FRMPD2: variants seen among roughly 807,000 people sequenced by gnomAD.
FRMPD2 encodes FERM and PDZ domain-containing protein 2.
Under a neutral mutation model 140.1 loss-of-function variants are expected in FRMPD2, and 96 were observed. The observed-to-expected ratio is 0.69, with a 90% CI of 0.58 to 0.81. The LOEUF is 0.81. Among genes scored for constraint, FRMPD2 ranks in the 40% least tolerant of loss-of-function variants. FRMPD2 has a pLI of 0.00. For synonymous variants in FRMPD2, 449 were observed against 547.6 expected (o/e 0.82, Z 2.52); for missense variants, 1,240 against 1,447.4 (o/e 0.86, Z 2.32).
At chr10:48,261,531 A>C (rs1840590557) in intron 1 of FRMPD2, among the ~76,000 whole-genome samples, 1 of 152,158 alleles carries the variant, frequency 6.6e-6, no homozygotes, top group South Asian at 2.1e-4. Context: ...AAAAACTACC[A>C]ATCTAGAACT....
At chr10:48,178,689 A>G (rs1380416874) in intron 21 of FRMPD2, 1 of 155,198 alleles carries the variant, frequency 6.4e-6, no homozygotes, top group Non-Finnish European at 1.4e-5. Flanking sequence ...ACCATGGTCA[A>G]CGTGGCCTTA....
In FRMPD2 at chr10:48,251,555, C is replaced by T. The variant is rs1180119121; in HGVS notation, c.151+11G>A. 6.2e-7 allele frequency: 1 copy of T among 1,612,452 alleles called. No individual in the cohort carries two copies. The highest frequency in any genetic ancestry group is 1.7e-5 in the Admixed American group (1 of 59,998). On this transcript the variant is annotated intron_variant, in intron 2 of 28. Coordinates refer to ENST00000374201, the MANE Select transcript of FRMPD2 (RefSeq NM_001018071.4). ...TCCCTGTGATTTGACTGCCCCCAAA[C>T]ACTCTCTTACCGTTGCGGAGGTCTT...
intron 10 of FRMPD2, among the ~76,000 whole-genome samples, chr10:48,228,931 T>G: frequency 6.6e-6 from 1 of 152,052 alleles, no homozygotes; most frequent in East Asian, 1.9e-4. Context: ...AAAAGGTTTA[T>G]GGAAGATGAA....
intron 14 of FRMPD2, among the ~76,000 whole-genome samples, chr10:48,204,144 A>G (rs1359371029): frequency 6.6e-6 from 1 of 152,232 alleles, no homozygotes; most frequent in Non-Finnish European, 1.5e-5. Context: ...CATGAGCTGT[A>G]CAGAGCCAGT....
chr10:48,191,989 C>T (rs1229673568), intron 16 of FRMPD2, among the ~76,000 whole-genome samples: 36 of 152,194 alleles, frequency 2.4e-4, no homozygotes, highest in Admixed American at 2.4e-3. Context: ...AACGGAAACA[C>T]TTAACAGAGT....
At chr10:48,200,151 T>TATAAATAAATAA (rs201958134) in intron 15 of FRMPD2, among the ~76,000 whole-genome samples, 23 of 135,518 alleles carry the variant, frequency 1.7e-4, no homozygotes, top group South Asian at 4.7e-4. Flanking sequence ...AGCTAAAAAA[T>TATAAATAAATAA]ATAAATAAAT....
chr10:48,230,306 A>G (rs1267356225), intron 10 of FRMPD2, among the ~76,000 whole-genome samples: 1 of 152,240 alleles, frequency 6.6e-6, no homozygotes, highest in Admixed American at 6.5e-5. Flanking sequence ...TCAATAAAAT[A>G]TGCTCTCTTT....
At chr10:48,254,190 T>C (rs1033816484) in intron 1 of FRMPD2, among the ~76,000 whole-genome samples, 1 of 152,222 alleles carries the variant, frequency 6.6e-6, no homozygotes, top group Non-Finnish European at 1.5e-5. Flanking sequence ...CGGTGGAATG[T>C]TATGATCTGT....
chr10:48,266,375 T>A (rs1840678111), intron 1 of FRMPD2, among the ~76,000 whole-genome samples: 2 of 151,954 alleles, frequency 1.3e-5, no homozygotes, highest in African/African-American at 4.8e-5. Context: ...AAATAAAAGT[T>A]TAAAAAGTAA....
Position 48,179,768 on chromosome 10 carries a change from T to G in FRMPD2, c.2790+1035A>C, listed in dbSNP as rs1217122931. 5.9e-5 allele frequency among the ~76,000 whole-genome samples: 9 copies of G among 152,166 alleles called. No homozygotes were observed. In the East Asian group the frequency reaches 1.7e-3, roughly 29 times the overall value. On this transcript the variant is annotated intron_variant, in intron 21 of 28. Coordinates refer to ENST00000374201, the MANE Select transcript of FRMPD2 (RefSeq NM_001018071.4). ...TGGACAGACATCATTATCTCCATCA[T>G]AAAAAGAGAAACGAGGTTGAAAGAG...
rs1389735026 is a variant in FRMPD2 at position 48,274,392 on chromosome 10, C to A, written c.25+151G>T. On this transcript the variant is annotated intron_variant, in intron 1 of 28. Transcript: ENST00000374201. Reference sequence around the variant, plus strand: ...ATCAGGCTTAGCCAATGGCCTGGAACAAATAATACTCCAAATAATACCACA... The same window carrying A: ...ATCAGGCTTAGCCAATGGCCTGGAAAAAATAATACTCCAAATAATACCACA... The A allele has an allele frequency of 8.4e-6, 6 of 710,080 alleles. No individual in the cohort carries two copies. The East Asian group carries it at 1.5e-4, about 18-fold the overall frequency. 44.0% of individuals were successfully genotyped at this position (710,080 alleles called of 1,614,324 possible).
Position 48,187,196 on chromosome 10 carries a change from A to C in FRMPD2, c.2262T>G (p.His754Gln). The C allele has an allele frequency of 6.2e-7, 1 of 1,613,082 alleles. No individual in the cohort carries two copies. The part of the protein sequence containing the change: ...SLSGPPVQSM[H>Q]AGSKNNRRKS... ...TGGTCGTGGCCTGGCCCATACCTGC[A>C]TGCATGCTCTGAACAGGTGGTCCAG... The change falls in exon 17 of 29, where the codon CAT (histidine) becomes CAG (glutamine). Residue 754 changes from histidine to glutamine, a missense_variant. This residue lies in a region of FRMPD2 where 1,161 missense variants were observed against 1,055.9 expected (regional missense o/e 1.10). Transcript: ENST00000374201.
chr10:48,173,688 A>G (rs1346036172), intron 24 of FRMPD2, among the ~76,000 whole-genome samples: 5 of 152,088 alleles, frequency 3.3e-5, no homozygotes, highest in African/African-American at 1.2e-4. Flanking sequence ...AATGCTTCCC[A>G]TCACCTAAGA....
Position 48,248,791 on chromosome 10 carries a change from C to T in FRMPD2, c.309+230G>A, listed in dbSNP as rs1463786083. 4.7e-5 allele frequency: 18 copies of T among 381,298 alleles called. No individual in the cohort carries two copies. The East Asian group carries it at 6.2e-4, about 13-fold the overall frequency. 23.6% of individuals were successfully genotyped at this position (381,298 alleles called of 1,614,324 possible). A position where few individuals can be genotyped will look rare whatever the true frequency, so the allele number is the denominator to read the frequency against. On this transcript the variant is annotated intron_variant, in intron 3 of 28. Transcript: ENST00000374201. The stretch of plus-strand genomic sequence containing the variant: ...CCTGATCAATTAAGCCACATTAACC[C>T]CATTTTACCAATGTAGAAATTGGGG...
rs369919333 is a variant in FRMPD2 at position 48,228,636 on chromosome 10, C to T, written c.1168+3479G>A. Among the ~76,000 whole-genome samples the T allele has an allele frequency of 4.6e-5, 7 of 152,026 alleles. No homozygotes were observed. In the South Asian group the frequency reaches 1.0e-3, roughly 23 times the overall value. On this transcript the variant is annotated intron_variant, in intron 10 of 28. Transcript: ENST00000374201. ...GTAAAAGGCAGTTTATGATTGCTTA[C>T]TTTCTAGTTTTCTGGTTTTCACTAG...
At chr10:48,243,015 G>T (rs1428379191) in intron 4 of FRMPD2, among the ~76,000 whole-genome samples, 1 of 152,190 alleles carries the variant, frequency 6.6e-6, no homozygotes, top group Non-Finnish European at 1.5e-5. Flanking sequence ...AACACACACT[G>T]CAGGTCACTT....
At chr10:48,219,148 T>G (rs1839520711) in intron 12 of FRMPD2, among the ~76,000 whole-genome samples, 1 of 152,088 alleles carries the variant, frequency 6.6e-6, no homozygotes, top group African/African-American at 2.4e-5. Context: ...AACATGCCAG[T>G]TCTTAGGATC....
At chr10:48,212,148 C>T (rs183440397) in intron 12 of FRMPD2, 39 bp from the exon 13 acceptor site, 478 of 1,603,820 alleles carry the variant, frequency 3.0e-4, no homozygotes, top group Non-Finnish European at 1.9e-4. Flanking sequence ...ACAATCCAGA[C>T]ACTGGCCGGG....
rs148126019 is a variant in FRMPD2, at chr10:48,187,373, C to T, written c.2166-81G>A. 5.0e-6 allele frequency: 6 copies of T among 1,207,140 alleles called. No homozygotes were observed. The Admixed American group carries it at 9.6e-5, about 19-fold the overall frequency. 74.8% of individuals were successfully genotyped at this position (1,207,140 alleles called of 1,614,324 possible). On this transcript the variant is annotated intron_variant, in intron 16 of 28. Transcript: ENST00000374201. ...GGTTAGATAAGGTGGCTCAGGGAGG[C>T]AACTTCTTGGCATTTCTGAGTATGG...
Sources: gnomAD v4.1 joint callset for allele counts (sites outside exome capture counted in the v4.1 genomes callset) on GRCh38, gnomAD v4.1.1 for gene constraint, gnomAD v4.1.1 regional missense constraint, MANE v1.5 for transcripts, NCBI Gene and HGNC (gene_info 2026-07-23, HGNC 2026-07-21) for gene names.